Variants in ASIP observed in about 807,000 individuals in gnomAD.
The protein encoded by ASIP is agouti signaling protein.
Under a neutral mutation model 10.3 loss-of-function variants are expected in ASIP, and 11 were observed. The observed-to-expected ratio is 1.07, with a 90% CI of 0.68 to 1.78. The LOEUF (loss-of-function observed/expected upper bound fraction) is 1.78. Ranked by LOEUF, ASIP falls within the 40% of genes most tolerant of loss-of-function variation. ASIP has a pLI of 0.00. For synonymous variants in ASIP, 70 were observed against 70.8 expected (o/e 0.99, Z 0.06); for missense variants, 180 against 169.2 (o/e 1.06, Z -0.35).
At chr20:34,261,447 AACAGGGTGAAACC>A (rs2035689827) in intron 2 of ASIP, among the ~76,000 whole-genome samples, 1 of 152,214 alleles carries the variant, frequency 6.6e-6, no homozygotes, top group South Asian at 2.1e-4. Flanking sequence ...CAGCCTGGTC[AACAGGGTGAAACC>A]CCGTCCCTAT....
At chr20:34,260,798 T>C (rs190155544) in intron 2 of ASIP, among the ~76,000 whole-genome samples, 4 of 152,356 alleles carry the variant, frequency 2.6e-5, no homozygotes, top group African/African-American at 9.6e-5. Flanking sequence ...TTGTTTAATT[T>C]AGCATTTCTG....
At chr20:34,204,463 C>T (rs2034921965) in intron 1 of ASIP, among the ~76,000 whole-genome samples, 1 of 152,288 alleles carries the variant, frequency 6.6e-6, no homozygotes, top group East Asian at 1.9e-4. Context: ...AGGTGATCTA[C>T]CCACTTTGGC....
At chr20:34,257,970 C>CT (rs1192829077) in intron 1 of ASIP, among the ~76,000 whole-genome samples, 1 of 152,068 alleles carries the variant, frequency 6.6e-6, no homozygotes, top group African/African-American at 2.4e-5. Flanking sequence ...ATGGTGAAAC[C>CT]TTGTCTCTAC....
intron 1 of ASIP, among the ~76,000 whole-genome samples, chr20:34,248,221 C>T (rs1242878213): frequency 2.6e-5 from 4 of 151,826 alleles, no homozygotes; most frequent in Admixed American, 1.3e-4. Flanking sequence ...AAAAAATTGC[C>T]TCTGAAGGTA....
At chr20:34,222,223 A>C (rs1305257925) in intron 1 of ASIP, among the ~76,000 whole-genome samples, 3 of 152,154 alleles carry the variant, frequency 2.0e-5, no homozygotes, top group Non-Finnish European at 4.4e-5. Context: ...GTTACAGCTC[A>C]TAGAACCTAA....
In ASIP at chr20:34,246,193, CT is replaced by C. The variant is rs2035371851; in HGVS notation, c.-11+4706del. The C allele has an allele frequency of 5.2e-6, 7 of 1,356,580 alleles. No individual in the cohort carries two copies. The Middle Eastern group carries it at 5.5e-4, about 107-fold the overall frequency. The allele number at this position is 1,356,580 out of a possible 1,614,324, so 84.0% of individuals were successfully genotyped here. A position where few individuals can be genotyped will look rare whatever the true frequency, so the allele number is the denominator to read the frequency against. On this transcript the variant is annotated intron_variant, in intron 1 of 3. Transcript: ENST00000374954. ...TCTTCTTTGCTCTAGGAATTTTGGC[CT>C]TAGTAAGCTTTTGTGGTATGGTCTT...
At chr20:34,261,265 G>C (rs1449501891) in intron 2 of ASIP, among the ~76,000 whole-genome samples, 1 of 152,050 alleles carries the variant, frequency 6.6e-6, no homozygotes, top group African/African-American at 2.4e-5. Flanking sequence ...TGGGAAGCTG[G>C]AGGCATGAGG....
chr20:34,222,005 G>C (rs1462615086), intron 1 of ASIP, among the ~76,000 whole-genome samples: 1 of 152,200 alleles, frequency 6.6e-6, no homozygotes, highest in East Asian at 1.9e-4. Context: ...AGCCACTTGG[G>C]AGGCTGAAGT....
At chr20:34,199,860 A>C (rs2034881547) in intron 1 of ASIP, among the ~76,000 whole-genome samples, 3 of 152,098 alleles carry the variant, frequency 2.0e-5, no homozygotes, top group African/African-American at 7.2e-5. Flanking sequence ...TTTTGCATTA[A>C]ATTTGATTTT....
chr20:34,223,314 G>T (rs982033445), intron 1 of ASIP, among the ~76,000 whole-genome samples: 6 of 151,532 alleles, frequency 4.0e-5, no homozygotes, highest in African/African-American at 1.5e-4. Context: ...CCTCTGCCCG[G>T]CCGAGACCCC....
intron 3 of ASIP, among the ~76,000 whole-genome samples, chr20:34,266,079 C>T (rs1278092636): frequency 3.9e-5 from 6 of 152,180 alleles, no homozygotes; most frequent in Admixed American, 6.5e-5. Context: ...AATGGCCAGG[C>T]ACGGTGGCTC....
chr20:34,213,967 T>G (rs560045434), intron 1 of ASIP: 15 of 1,577,810 alleles, frequency 9.5e-6, no homozygotes, highest in South Asian at 3.6e-5. Flanking sequence ...CATCAAATTT[T>G]CTAACAGAAT....
chr20:34,223,396 C>T (rs1169025019), intron 1 of ASIP, among the ~76,000 whole-genome samples: 6 of 149,684 alleles, frequency 4.0e-5, no homozygotes, highest in Non-Finnish European at 5.9e-5. Context: ...GCCTGGCAAC[C>T]GCCCCGTCTG....
At chr20:34,200,675 G>T (rs1189006780) in intron 1 of ASIP, among the ~76,000 whole-genome samples, 2 of 152,220 alleles carry the variant, frequency 1.3e-5, no homozygotes, top group Non-Finnish European at 2.9e-5. Context: ...TTGCTTTGGG[G>T]TGCAATTAAA....
chr20:34,223,611 C>A (rs1160402469), intron 1 of ASIP, among the ~76,000 whole-genome samples: 3 of 143,206 alleles, frequency 2.1e-5, no homozygotes, highest in African/African-American at 8.6e-5. Context: ...GTCAGCCCCC[C>A]GCCCGGCCAG....
At chr20:34,239,036 G>A (rs1455675278), upstream of ASIP, among the ~76,000 whole-genome samples, 1 of 152,042 alleles carries the variant, frequency 6.6e-6, no homozygotes, top group Non-Finnish European at 1.5e-5. Context: ...ATACTTTCCT[G>A]GCTAATTATT....
chr20:34,253,339 C>T (rs1465355425), intron 1 of ASIP, among the ~76,000 whole-genome samples: 4 of 151,866 alleles, frequency 2.6e-5, no homozygotes, highest in African/African-American at 7.2e-5. Context: ...ATCTCCTGAC[C>T]TCATGATCCG....
At chr20:34,235,898 G>A (rs2035192587) in intron 1 of ASIP, among the ~76,000 whole-genome samples, 1 of 80,932 alleles carries the variant, frequency 1.2e-5, no homozygotes, top group East Asian at 3.6e-4. Context: ...AGGAAGGAAG[G>A]AAAGGAAGGA....
chr20:34,232,515 C>A (rs1339242683), intron 1 of ASIP, among the ~76,000 whole-genome samples: 1 of 152,152 alleles, frequency 6.6e-6, no homozygotes, highest in Admixed American at 6.5e-5. Flanking sequence ...CAAGATGAGA[C>A]AAACCTGCAG....
Sources: gnomAD v4.1 joint callset for allele counts (sites outside exome capture counted in the v4.1 genomes callset) on GRCh38, gnomAD v4.1.1 for gene constraint, MANE v1.5 for transcripts, NCBI Gene and HGNC (gene_info 2026-07-23, HGNC 2026-07-21) for gene names.